The following CD53 variants were observed in gnomAD, a reference collection of about 807,000 sequenced individuals.
CD53 encodes CD53 molecule, also known as leukocyte surface antigen CD53.
Under a neutral mutation model 27.3 loss-of-function variants are expected in CD53, and 20 were observed. The ratio of observed to expected loss-of-function variants is 0.73; its 90% CI spans 0.52 to 1.07. The LOEUF is 1.07. Among genes scored for constraint, CD53 ranks in the 50% least tolerant of loss-of-function variants. The pLI is 0.00. For synonymous variants in CD53, 106 were observed against 105.3 expected, an observed-to-expected ratio of 1.01 and a Z score of -0.04; for missense variants, 216 against 264.0, an observed-to-expected ratio of 0.82 and a Z score of 1.26.
intron 1 of CD53, among the ~76,000 whole-genome samples, chr1:110,883,437 G>C (rs575775344): frequency 5.3e-5 from 8 of 151,808 alleles, no homozygotes; most frequent in Admixed American, 5.2e-4. Context: ...GTTCTATATC[G>C]TTAGATGCTT....
At chr1:110,871,523 G>A (rs1430158414), upstream of CD53, among the ~76,000 whole-genome samples, 1 of 152,046 alleles carries the variant, frequency 6.6e-6, no homozygotes, top group African/African-American at 2.4e-5. Flanking sequence ...GTTGGATATT[G>A]GATTTGAGGT....
Position 110,898,104 on chromosome 1 carries a change from G to A in CD53, c.588+212G>A, listed in dbSNP as rs570835085. ...CTATAAGAACATCTCTTGGCCGGGC[G>A]TGGTGGCTCACGCCTGTAATCCCAG... On this transcript the variant is annotated intron_variant, in intron 7 of 7. Transcript: ENST00000271324. Among the ~76,000 whole-genome samples the A allele has an allele frequency of 2.8e-3, 429 of 152,240 alleles. 2 individuals are homozygous for A. Among genetic ancestry groups the A allele is most frequent in the African/African-American group, 9.9e-3 (412 of 41,534 alleles).
chr1:110,897,280 C>T (rs4839586), intron 6 of CD53, among the ~76,000 whole-genome samples: 97,874 of 152,054 alleles, frequency 0.64, 33,451 homozygotes, highest in Non-Finnish European at 0.77. Context: ...CCAACTAGAC[C>T]GAATCCCTGA....
At chr1:110,896,033 C>G (rs983112187) in intron 5 of CD53, among the ~76,000 whole-genome samples, 3 of 152,014 alleles carry the variant, frequency 2.0e-5, no homozygotes, top group African/African-American at 7.3e-5. Flanking sequence ...CTTAACAAGG[C>G]CTATGTGTTT....
chr1:110,893,286 C>A (rs1246350954), intron 3 of CD53, among the ~76,000 whole-genome samples: 1 of 152,090 alleles, frequency 6.6e-6, no homozygotes, highest in African/African-American at 2.4e-5. Context: ...CATTATGGTT[C>A]AACATTTTGG....
At chr1:110,882,786 T>C (rs1200673978) in intron 1 of CD53, among the ~76,000 whole-genome samples, 1 of 152,074 alleles carries the variant, frequency 6.6e-6, no homozygotes, top group Non-Finnish European at 1.5e-5. Flanking sequence ...TTCACAACTT[T>C]TGTCAGATTT....
At chr1:110,884,307 G>A (rs1316042227) in intron 1 of CD53, among the ~76,000 whole-genome samples, 1 of 151,986 alleles carries the variant, frequency 6.6e-6, no homozygotes, top group African/African-American at 2.4e-5. Flanking sequence ...CCAATTTGAG[G>A]AAACTTTCTA....
At chr1:110,898,916 G>A (rs1280936325) in intron 7 of CD53, among the ~76,000 whole-genome samples, 2 of 152,104 alleles carry the variant, frequency 1.3e-5, no homozygotes, top group Non-Finnish European at 2.9e-5. Context: ...TTTACAGCCT[G>A]TTATCTTGTC....
intron 7 of CD53, 121 bp from the exon 8 acceptor site, chr1:110,899,003 T>C: frequency 1.5e-6 from 1 of 674,922 alleles, no homozygotes; most frequent in Middle Eastern, 2.5e-4. Context: ...TTGAAAGTAA[T>C]GGTTGGAAGG....
At chr1:110,885,314 G>A (rs963357242) in intron 1 of CD53, among the ~76,000 whole-genome samples, 1 of 152,228 alleles carries the variant, frequency 6.6e-6, no homozygotes, top group East Asian at 1.9e-4. Context: ...ACTTTGGGAG[G>A]CCGAGGCGGG....
intron 1 of CD53, chr1:110,880,309 CA>C (rs550443662): frequency 9.9e-5 from 15 of 152,226 alleles, no homozygotes; most frequent in African/African-American, 3.6e-4. Context: ...TGGCATGTGG[CA>C]AAAGTAGTGA....
chr1:110,889,555 C>CAAATAAATAAAT lies in CD53; in HGVS notation c.-17-1813_-17-1802dup, dbSNP rs57083589. Among the ~76,000 whole-genome samples, 898 of 146,326 alleles carry CAAATAAATAAAT rather than the reference C, an allele frequency of 6.1e-3. 7 individuals are homozygous for CAAATAAATAAAT. Among genetic ancestry groups the CAAATAAATAAAT allele is most frequent in the South Asian group, 0.018 (80 of 4,538 alleles). On this transcript the variant is annotated intron_variant, in intron 1 of 7. Transcript: ENST00000271324. ...CCTCGGCGAAAGAGCAAAACTCCGT[C>CAAATAAATAAAT]AAATAAATAAATAAATAAATAAATA...
upstream of CD53, among the ~76,000 whole-genome samples, chr1:110,872,217 A>C (rs547007181): frequency 2.0e-5 from 3 of 152,356 alleles, no homozygotes; most frequent in East Asian, 3.9e-4. Context: ...CCAGTGATGC[A>C]GCATAGTGAA....
At chr1:110,897,785 A>C in intron 6 of CD53, 24 bp from the exon 7 acceptor site, 1 of 1,433,894 alleles carries the variant, frequency 7.0e-7, no homozygotes, top group Non-Finnish European at 9.8e-7. Flanking sequence ...GAGTAGTATC[A>C]TTTGTAACTG....
At chr1:110,878,216 A>G (rs957898742) in intron 1 of CD53, among the ~76,000 whole-genome samples, 6 of 152,186 alleles carry the variant, frequency 3.9e-5, no homozygotes, top group Non-Finnish European at 4.4e-5. Context: ...TCAGTGAACT[A>G]TCTATTATGT....
chr1:110,875,558 G>A lies in CD53; in HGVS notation c.-18+2310G>A, dbSNP rs188290812. Among the ~76,000 whole-genome samples, 146 of 152,266 alleles carry A rather than the reference G, an allele frequency of 9.6e-4. 2 individuals carry two copies. The highest frequency in any genetic ancestry group is 6.8e-3 in the Middle Eastern group (2 of 294). On this transcript the variant is annotated intron_variant, in intron 1 of 7. Coordinates refer to ENST00000271324, the MANE Select transcript of CD53 (RefSeq NM_000560.4). ...ATTCAGTTATAGTGGTTTGTTCTGC[G>A]TCCCTAGATTAGTCAGCCTAGGGCA...
chr1:110,872,106 A>G (rs1054529410), upstream of CD53, among the ~76,000 whole-genome samples: 6 of 152,322 alleles, frequency 3.9e-5, no homozygotes, highest in Non-Finnish European at 7.3e-5. Flanking sequence ...TTCATTTATA[A>G]GATGAAAACA....
intron 1 of CD53, among the ~76,000 whole-genome samples, chr1:110,873,466 C>G (rs1283673083): frequency 1.3e-5 from 2 of 152,316 alleles, no homozygotes; most frequent in Non-Finnish European, 2.9e-5. Flanking sequence ...TTCCCATTAT[C>G]TAAATCTCTG....
At chr1:110,894,580 C>G (rs903480518) in intron 4 of CD53, among the ~76,000 whole-genome samples, 179 bp downstream of exon 4, 1 of 152,072 alleles carries the variant, frequency 6.6e-6, no homozygotes, top group Non-Finnish European at 1.5e-5. Flanking sequence ...GAGATTGTAT[C>G]TGAGTGGTAT....
Sources: gnomAD v4.1 joint callset for allele counts (sites outside exome capture counted in the v4.1 genomes callset) on GRCh38, gnomAD v4.1.1 for gene constraint, MANE v1.5 for transcripts, NCBI Gene and HGNC (gene_info 2026-07-23, HGNC 2026-07-21) for gene names.